ZNF385B: variants seen among roughly 807,000 people sequenced by gnomAD.
The protein encoded by ZNF385B is zinc finger protein 385B.
ZNF385B carries 23 observed loss-of-function variants against 39.2 expected under a neutral mutation model. The observed-to-expected ratio is 0.59, with a 90% CI of 0.42 to 0.83. The LOEUF (loss-of-function observed/expected upper bound fraction) is 0.83. Among genes scored for constraint, ZNF385B ranks in the 40% least tolerant of loss-of-function variants. The pLI is 0.00. For missense variants in ZNF385B, 552 were observed against 598.9 expected, an observed-to-expected ratio of 0.92 and a Z score of 0.82; for synonymous variants, 205 against 222.6, an observed-to-expected ratio of 0.92 and a Z score of 0.70.
intron 3 of ZNF385B, chr2:179,745,991 A>G: frequency 8.5e-7 from 1 of 1,182,516 alleles, no homozygotes; most frequent in East Asian, 3.7e-5. Flanking sequence ...TTGTAAAGAA[A>G]GCAGAGCAAT....
At chr2:179,584,674 AGAG>A (rs1686903231) in intron 3 of ZNF385B, among the ~76,000 whole-genome samples, 1 of 152,208 alleles carries the variant, frequency 6.6e-6, no homozygotes, top group Admixed American at 6.5e-5. Flanking sequence ...CGAGGAATGC[AGAG>A]GAGAAGAAAG....
At position 179,801,795 on chromosome 2, in the gene ZNF385B, G is replaced by A. The variant is rs527989977; in HGVS notation, c.-154-31123C>T. On this transcript the variant is annotated intron_variant, in intron 1 of 9. Coordinates refer to ENST00000410066, the MANE Select transcript of ZNF385B (RefSeq NM_152520.6). ...TACACAAAATCACAGCACTGTGGAG[G>A]AACTAAGAAATGGAAAGTTGCAATA... 6.6e-5 allele frequency among the ~76,000 whole-genome samples: 10 copies of A among 152,218 alleles called. No individual in the cohort carries two copies. In the South Asian group the frequency reaches 2.1e-3, roughly 32 times the overall value.
chr2:179,659,756 A>G (rs79235841), intron 3 of ZNF385B, among the ~76,000 whole-genome samples: 6,687 of 152,284 alleles, frequency 0.044, 203 homozygotes, highest in Middle Eastern at 0.061. Context: ...AAGTTGTGCT[A>G]ACACTTAGAT....
At chr2:179,857,276 G>C (rs528125731) in intron 1 of ZNF385B, among the ~76,000 whole-genome samples, 188 of 152,294 alleles carry the variant, frequency 1.2e-3, no homozygotes, top group African/African-American at 4.3e-3. Flanking sequence ...CCCTGAGCTG[G>C]GTATTTCAGG....
At chr2:179,538,609 A>G (rs2059730124) in intron 4 of ZNF385B, among the ~76,000 whole-genome samples, 1 of 152,218 alleles carries the variant, frequency 6.6e-6, no homozygotes, top group African/African-American at 2.4e-5. Flanking sequence ...CATATAAATC[A>G]TTTCATAACT....
chr2:179,747,206 C>G (rs1038320866), intron 3 of ZNF385B, among the ~76,000 whole-genome samples: 3 of 152,118 alleles, frequency 2.0e-5, no homozygotes, highest in Non-Finnish European at 4.4e-5. Flanking sequence ...TTACGTAACA[C>G]AGCATTCTGG....
chr2:179,599,954 G>A (rs938253612), intron 3 of ZNF385B, among the ~76,000 whole-genome samples: 1 of 152,206 alleles, frequency 6.6e-6, no homozygotes, highest in African/African-American at 2.4e-5. Context: ...CTCTGTCCAG[G>A]TGGATGCTTC....
intron 3 of ZNF385B, among the ~76,000 whole-genome samples, chr2:179,719,372 G>A (rs1022717135): frequency 6.6e-6 from 1 of 152,182 alleles, no homozygotes; most frequent in Non-Finnish European, 1.5e-5. Context: ...GGTGAAAGGT[G>A]TAGTTTCTCC....
intron 3 of ZNF385B, among the ~76,000 whole-genome samples, chr2:179,750,255 T>C (rs1299856697): frequency 6.6e-6 from 1 of 152,088 alleles, no homozygotes; most frequent in Non-Finnish European, 1.5e-5. Flanking sequence ...ATTTCCAAAA[T>C]TCTCTACTCT....
chr2:179,512,320 T>C, intron 5 of ZNF385B, among the ~76,000 whole-genome samples: 1 of 152,204 alleles, frequency 6.6e-6, no homozygotes. Context: ...AGAATCTGTT[T>C]AAGAATTTGA....
intron 4 of ZNF385B, among the ~76,000 whole-genome samples, chr2:179,533,519 C>T (rs570081323): frequency 2.6e-5 from 4 of 152,056 alleles, no homozygotes; most frequent in Admixed American, 6.6e-5. Flanking sequence ...GAGTAGGCAG[C>T]GAACTTACAA....
At chr2:179,737,907 C>T (rs1701865102) in intron 3 of ZNF385B, among the ~76,000 whole-genome samples, 1 of 152,194 alleles carries the variant, frequency 6.6e-6, no homozygotes, top group Admixed American at 6.5e-5. Context: ...TCCACTACTC[C>T]ACTGCTTCTC....
At chr2:179,753,172 A>T (rs1484950421) in intron 3 of ZNF385B, among the ~76,000 whole-genome samples, 1 of 152,202 alleles carries the variant, frequency 6.6e-6, no homozygotes, top group Non-Finnish European at 1.5e-5. Flanking sequence ...TTTGCCCAGC[A>T]CCATTTGTTA....
At chr2:179,505,580 C>T (rs984655603) in intron 5 of ZNF385B, among the ~76,000 whole-genome samples, 1 of 152,006 alleles carries the variant, frequency 6.6e-6, no homozygotes, top group Non-Finnish European at 1.5e-5. Context: ...CTTAAGCTCA[C>T]AGTTGAGAGA....
intron 6 of ZNF385B, among the ~76,000 whole-genome samples, chr2:179,482,909 A>G (rs2105594045): frequency 1.3e-5 from 2 of 152,194 alleles, no homozygotes; most frequent in Non-Finnish European, 2.9e-5. Flanking sequence ...ATAGTAAAAA[A>G]CACACATAAA....
intron 1 of ZNF385B, among the ~76,000 whole-genome samples, chr2:179,830,276 G>A (rs1274790313): frequency 6.6e-6 from 1 of 152,214 alleles, no homozygotes; most frequent in Non-Finnish European, 1.5e-5. Flanking sequence ...TCATTGCTGT[G>A]GAGATGCAAA....
chr2:179,599,910 T>C (rs1015525855), intron 3 of ZNF385B, among the ~76,000 whole-genome samples: 2 of 152,346 alleles, frequency 1.3e-5, no homozygotes, highest in Admixed American at 6.5e-5. Flanking sequence ...CCCATCCTAT[T>C]GGGCTACGAG....
At position 179,594,978 on chromosome 2, in the gene ZNF385B, TA is replaced by T. The variant is rs550906681; in HGVS notation, c.299-50010del. ...TATGCCCATGTGCAGCTAGTGAACT[TA>T]AGTTAGAAACGACTAGAAAAAAACT... On this transcript the variant is annotated intron_variant, in intron 3 of 9. Transcript: ENST00000410066. Among the ~76,000 whole-genome samples, 353 of 152,258 alleles carry T rather than the reference TA, an allele frequency of 2.3e-3. 2 individuals carry two copies. Among genetic ancestry groups the T allele is most frequent in the Middle Eastern group, 0.01 (3 of 294 alleles).
At chr2:179,694,879 G>C (rs957912614) in intron 3 of ZNF385B, among the ~76,000 whole-genome samples, 2 of 151,894 alleles carry the variant, frequency 1.3e-5, no homozygotes, top group Non-Finnish European at 2.9e-5. Context: ...GCAGTGAGCC[G>C]AGATTGCACC....
Sources: allele counts gnomAD v4.1 joint callset (sites outside exome capture counted in the v4.1 genomes callset), GRCh38; gene constraint gnomAD v4.1.1; transcripts MANE v1.5; gene names NCBI Gene and HGNC (gene_info 2026-07-23, HGNC 2026-07-21).